PIP4K2A: variants seen among roughly 807,000 people sequenced by gnomAD.
The protein encoded by PIP4K2A is phosphatidylinositol-5-phosphate 4-kinase type 2 alpha, also known as phosphatidylinositol 5-phosphate 4-kinase type-2 alpha.
A neutral mutation model predicts 42.9 loss-of-function variants in PIP4K2A; 14 were observed. The ratio of observed to expected loss-of-function variants is 0.33; its 90% CI spans 0.22 to 0.51. The LOEUF is 0.51. PIP4K2A is among the 20% of genes least tolerant of loss of function. The pLI, the probability that PIP4K2A is intolerant of heterozygous loss-of-function variation, is 0.97. For missense variants in PIP4K2A, 434 were observed against 519.8 expected (o/e 0.83, Z 1.61); for synonymous variants, 192 against 192.2 (o/e 1.00, Z 0.01).
chr10:22,555,149 G>T (rs549608899), intron 6 of PIP4K2A, among the ~76,000 whole-genome samples: 39 of 152,302 alleles, frequency 2.6e-4, no homozygotes, highest in African/African-American at 9.4e-4. Context: ...CCCGACCCCA[G>T]GTCGACTAGG....
chr10:22,610,268 G>A (rs1837999407), intron 1 of PIP4K2A, among the ~76,000 whole-genome samples: 1 of 152,178 alleles, frequency 6.6e-6, no homozygotes, highest in Non-Finnish European at 1.5e-5. Context: ...AAGAAGACAC[G>A]TGGTCCCAGG....
chr10:22,552,822 A>C (rs1836446003), intron 6 of PIP4K2A, among the ~76,000 whole-genome samples: 1 of 152,162 alleles, frequency 6.6e-6, no homozygotes, highest in Non-Finnish European at 1.5e-5. Flanking sequence ...GGTGTTAAGG[A>C]TATCTGCCTC....
chr10:22,550,409 G>A (rs921578256), intron 7 of PIP4K2A, among the ~76,000 whole-genome samples: 1 of 152,220 alleles, frequency 6.6e-6, no homozygotes, highest in African/African-American at 2.4e-5. Flanking sequence ...TGGGACCGGG[G>A]ATTCCCAGCG....
At chr10:22,686,241 A>G (rs1839762381) in intron 1 of PIP4K2A, among the ~76,000 whole-genome samples, 1 of 152,238 alleles carries the variant, frequency 6.6e-6, no homozygotes, top group South Asian at 2.1e-4. Context: ...GAACTCCTAG[A>G]TAGTTGTTCT....
chr10:22,559,995 T>C (rs1836645358), intron 6 of PIP4K2A, among the ~76,000 whole-genome samples: 1 of 152,200 alleles, frequency 6.6e-6, no homozygotes, highest in Admixed American at 6.5e-5. Flanking sequence ...AAAATGTCTC[T>C]GGTCCAGAAG....
chr10:22,569,353 C>G (rs1466293729), intron 5 of PIP4K2A, among the ~76,000 whole-genome samples: 2 of 152,198 alleles, frequency 1.3e-5, no homozygotes, highest in Non-Finnish European at 2.9e-5. Flanking sequence ...CAGATGGAGA[C>G]AGATAATGTG....
At chr10:22,587,631 G>A (rs1338671021) in intron 4 of PIP4K2A, among the ~76,000 whole-genome samples, 12 of 152,156 alleles carry the variant, frequency 7.9e-5, no homozygotes, top group Admixed American at 7.8e-4. Flanking sequence ...CCTGTGTCCG[G>A]TCACACAGAA....
chr10:22,710,288 G>A (rs1833891431), intron 1 of PIP4K2A, among the ~76,000 whole-genome samples: 1 of 152,152 alleles, frequency 6.6e-6, no homozygotes, highest in Admixed American at 6.5e-5. Flanking sequence ...CTATTACTCG[G>A]ACAGAGACCT....
chr10:22,623,995 T>C (rs1383401617), intron 1 of PIP4K2A, among the ~76,000 whole-genome samples: 1 of 152,232 alleles, frequency 6.6e-6, no homozygotes. Context: ...TTTTTGTTCA[T>C]GATAAAGCTT....
At chr10:22,604,709 C>G (rs1837869572) in intron 3 of PIP4K2A, among the ~76,000 whole-genome samples, 1 of 152,094 alleles carries the variant, frequency 6.6e-6, no homozygotes, top group African/African-American at 2.4e-5. Context: ...GCAGCCAGTA[C>G]CCAGGAGTGA....
rs57671642 is a variant in PIP4K2A at position 22,627,591 on chromosome 10, T to TAAAAAAAAAAAAAAAAAAAAAAAAAAAA, written c.145-17902_145-17875dup. Among the ~76,000 whole-genome samples, 30 of 57,032 alleles carry TAAAAAAAAAAAAAAAAAAAAAAAAAAAA rather than the reference T, an allele frequency of 5.3e-4. 5 individuals carry two copies. Among genetic ancestry groups the TAAAAAAAAAAAAAAAAAAAAAAAAAAAA allele is most frequent in the Non-Finnish European group, 7.9e-4 (25 of 31,826 alleles). 37.4% of individuals were successfully genotyped at this position (57,032 alleles called of 152,430 possible). The stretch of plus-strand genomic sequence containing the variant: ...TGTTTAACCAAAAGCTAATATGTAA[T>TAAAAAAAAAAAAAAAAAAAAAAAAAAAA]AAAAAAAAAAAAAAAAAAAAAAAAA... On this transcript the variant is annotated intron_variant, in intron 1 of 9. Coordinates refer to ENST00000376573, the MANE Select transcript of PIP4K2A (RefSeq NM_005028.5).
intron 4 of PIP4K2A, 32 bp downstream of exon 4, chr10:22,591,597 T>C (rs1002384142): frequency 1.3e-6 from 2 of 1,559,918 alleles, no homozygotes; most frequent in Non-Finnish European, 1.8e-6. Context: ...TTAATCTTCT[T>C]GGAGTTTCAA....
chr10:22,640,014 CTTTTTTTTT>C (rs71395806), intron 1 of PIP4K2A, among the ~76,000 whole-genome samples: 1,521 of 92,386 alleles, frequency 0.016, 39 homozygotes, highest in African/African-American at 0.059. Flanking sequence ...GATGTGTTGT[CTTTTTTTTT>C]TTTTTTTTTT....
At chr10:22,636,463 A>G (rs1340733738) in intron 1 of PIP4K2A, among the ~76,000 whole-genome samples, 1 of 152,152 alleles carries the variant, frequency 6.6e-6, no homozygotes, top group Non-Finnish European at 1.5e-5. Flanking sequence ...AGGTCTCACT[A>G]TGTTCTCTAG....
intron 1 of PIP4K2A, among the ~76,000 whole-genome samples, chr10:22,631,056 A>G (rs1470547310): frequency 6.6e-6 from 1 of 152,208 alleles, no homozygotes; most frequent in Non-Finnish European, 1.5e-5. Flanking sequence ...AAGCAGCACA[A>G]CAGGCCACAC....
chr10:22,677,331 G>A (rs554552639), intron 1 of PIP4K2A, among the ~76,000 whole-genome samples: 28 of 152,294 alleles, frequency 1.8e-4, no homozygotes, highest in Admixed American at 5.2e-4. Context: ...ATTAAACAGT[G>A]GCACTTTCAA....
intron 6 of PIP4K2A, among the ~76,000 whole-genome samples, chr10:22,558,691 A>AC (rs1273682191): frequency 1.3e-5 from 2 of 152,340 alleles, no homozygotes; most frequent in East Asian, 3.9e-4. Flanking sequence ...TCACAGTGAA[A>AC]ACAGTGAGAA....
At chr10:22,677,811 C>T (rs992902606) in intron 1 of PIP4K2A, among the ~76,000 whole-genome samples, 1 of 152,152 alleles carries the variant, frequency 6.6e-6, no homozygotes, top group Admixed American at 6.5e-5. Context: ...TATAATCTAG[C>T]ATCTCAATCA....
chr10:22,560,985 T>TA (rs1039586210), intron 6 of PIP4K2A, among the ~76,000 whole-genome samples: 1 of 152,192 alleles, frequency 6.6e-6, no homozygotes, highest in Non-Finnish European at 1.5e-5. Context: ...CTGTCATTTG[T>TA]AAAAAGCAGC....
Sources: gnomAD v4.1 joint callset for allele counts (sites outside exome capture counted in the v4.1 genomes callset) on GRCh38, gnomAD v4.1.1 for gene constraint, MANE v1.5 for transcripts, NCBI Gene and HGNC (gene_info 2026-07-23, HGNC 2026-07-21) for gene names.